SORCS3: variants seen among roughly 807,000 people sequenced by gnomAD.
The protein encoded by SORCS3 is VPS10 domain-containing receptor SorCS3.
In SORCS3, 57 loss-of-function variants were observed where a neutral mutation model predicts 146.3. The observed-to-expected ratio is 0.39, with a 90% CI of 0.31 to 0.49. The LOEUF (loss-of-function observed/expected upper bound fraction) is 0.49, where lower values mean the gene tolerates loss of function less well. Among genes scored for constraint, SORCS3 ranks in the 20% least tolerant of loss-of-function variants. SORCS3 has a pLI of 0.92. For missense variants in SORCS3, 1,341 were observed against 1,575.5 expected (o/e 0.85, Z 2.52); for synonymous variants, 653 against 618.5 (o/e 1.06, Z -0.83).
At chr10:105,192,473 G>A (rs2056522204) in intron 14 of SORCS3, among the ~76,000 whole-genome samples, 1 of 152,030 alleles carries the variant, frequency 6.6e-6, no homozygotes, top group South Asian at 2.1e-4. Flanking sequence ...TGGCAGAGTC[G>A]GCTTCACCCT....
intron 1 of SORCS3, among the ~76,000 whole-genome samples, chr10:104,697,668 G>A (rs1564661890): frequency 2.0e-5 from 3 of 152,156 alleles, no homozygotes; most frequent in Admixed American, 1.3e-4. Flanking sequence ...TCACAGGGCT[G>A]TCACCCAAGC....
chr10:104,730,301 T>TGTGTTTAGAACAAG (rs200737021), intron 1 of SORCS3, among the ~76,000 whole-genome samples: 2,062 of 152,352 alleles, frequency 0.014, 38 homozygotes, highest in African/African-American at 0.041. Flanking sequence ...TCAAGGAATA[T>TGTGTTTAGAACAAG]GTGCCACAGC....
chr10:105,147,325 T>G (rs1483888631), intron 8 of SORCS3, among the ~76,000 whole-genome samples: 1 of 152,152 alleles, frequency 6.6e-6, no homozygotes, highest in African/African-American at 2.4e-5. Context: ...CTGTTGGCAC[T>G]AACTCTTAAA....
intron 1 of SORCS3, among the ~76,000 whole-genome samples, chr10:104,655,937 A>T (rs1352332835): frequency 6.6e-6 from 1 of 152,222 alleles, no homozygotes; most frequent in Non-Finnish European, 1.5e-5. Context: ...TTTATTAAAT[A>T]TAAAATACAC....
At chr10:105,205,911 G>C (rs899273661) in intron 16 of SORCS3, among the ~76,000 whole-genome samples, 1 of 152,160 alleles carries the variant, frequency 6.6e-6, no homozygotes, top group African/African-American at 2.4e-5. Context: ...TCTGACTTCA[G>C]AGTCCTGAGT....
chr10:105,172,158 T>G (rs943673797), intron 13 of SORCS3, among the ~76,000 whole-genome samples: 5 of 152,198 alleles, frequency 3.3e-5, no homozygotes, highest in African/African-American at 1.2e-4. Flanking sequence ...TACGTATGAT[T>G]TTTAGAAAAG....
chr10:105,028,895 A>G (rs2055247287), intron 4 of SORCS3, among the ~76,000 whole-genome samples: 1 of 152,184 alleles, frequency 6.6e-6, no homozygotes, highest in South Asian at 2.1e-4. Flanking sequence ...CAAGATCGGT[A>G]CCTAAGAGCA....
rs887767789 is a variant in SORCS3, at chr10:105,264,127, A to G, written c.*753A>G. 1 of 114,150 alleles carries G rather than the reference A, an allele frequency of 8.8e-6. No individual in the cohort carries two copies. Among genetic ancestry groups the G allele is most frequent in the African/African-American group, 3.4e-5 (1 of 29,452 alleles). 7.1% of individuals were successfully genotyped at this position (114,150 alleles called of 1,614,324 possible). The stretch of plus-strand genomic sequence containing the variant: ...CTTGTCCATGCCATAGCTGGTTTCT[A>G]CTTATGTATATAAAGGGGGGTGGGG... On this transcript the variant is annotated 3_prime_UTR_variant, in exon 27 of 27. Coordinates refer to ENST00000369701, the MANE Select transcript of SORCS3 (RefSeq NM_014978.3).
At chr10:104,866,338 C>T (rs1219991722) in intron 2 of SORCS3, among the ~76,000 whole-genome samples, 2 of 152,072 alleles carry the variant, frequency 1.3e-5, no homozygotes, top group Non-Finnish European at 2.9e-5. Context: ...CGTTGACTAT[C>T]CTTAAAGAAC....
At chr10:104,806,487 T>C (rs997254145) in intron 1 of SORCS3, among the ~76,000 whole-genome samples, 6 of 152,224 alleles carry the variant, frequency 3.9e-5, no homozygotes, top group South Asian at 2.1e-4. Flanking sequence ...TTGCAAGATG[T>C]ACCCAAAGCC....
At chr10:105,208,216 C>T (rs1036711749) in intron 16 of SORCS3, among the ~76,000 whole-genome samples, 2 of 152,090 alleles carry the variant, frequency 1.3e-5, no homozygotes, top group Non-Finnish European at 1.5e-5. Flanking sequence ...TGGTGGGTGC[C>T]TGTAATCCCA....
At chr10:105,164,439 C>T in intron 12 of SORCS3, 60 bp downstream of exon 12, 1 of 1,112,752 alleles carries the variant, frequency 9.0e-7, no homozygotes, top group Admixed American at 1.7e-5. Flanking sequence ...ACCAATCTCT[C>T]TCTCCATCCT....
intron 3 of SORCS3, among the ~76,000 whole-genome samples, chr10:104,933,805 TCTTC>T (rs1368140710): frequency 1.3e-5 from 2 of 152,176 alleles, no homozygotes; most frequent in African/African-American, 4.8e-5. Context: ...TCAGCTTAAA[TCTTC>T]CTTCCTTTTT....
intron 1 of SORCS3, among the ~76,000 whole-genome samples, chr10:104,689,307 C>A (rs573378799): frequency 6.6e-6 from 1 of 152,336 alleles, no homozygotes; most frequent in African/African-American, 2.4e-5. Flanking sequence ...GGAAGCCCTC[C>A]TGACAGCCAC....
At chr10:104,834,025 G>A (rs1244868257) in intron 1 of SORCS3, among the ~76,000 whole-genome samples, 5 of 152,034 alleles carry the variant, frequency 3.3e-5, no homozygotes, top group African/African-American at 9.7e-5. Context: ...TTCACACCTC[G>A]TATCTAATTT....
At chr10:104,869,975 G>C (rs1038823816) in intron 2 of SORCS3, among the ~76,000 whole-genome samples, 1 of 152,174 alleles carries the variant, frequency 6.6e-6, no homozygotes. Context: ...CATCTATCAC[G>C]TAGAGTCGCT....
intron 6 of SORCS3, among the ~76,000 whole-genome samples, chr10:105,093,585 G>A (rs1369649513): frequency 1.3e-5 from 2 of 152,028 alleles, no homozygotes; most frequent in African/African-American, 4.8e-5. Context: ...AGTTTGAATA[G>A]ATCATTTAGC....
At chr10:105,200,980 C>G in intron 15 of SORCS3, 140 bp from the exon 16 acceptor site, 1 of 909,356 alleles carries the variant, frequency 1.1e-6, no homozygotes, top group Non-Finnish European at 1.6e-6. Flanking sequence ...TCTTGAAACT[C>G]CTGGATCATT....
In SORCS3 at chr10:104,835,423, G is replaced by C. The variant is rs538249602; in HGVS notation, c.628-7369G>C. Among the ~76,000 whole-genome samples, 103 of 152,322 alleles carry C rather than the reference G, an allele frequency of 6.8e-4. 1 individual carries two copies. The South Asian group carries it at 7.0e-3, about 10-fold the overall frequency. On this transcript the variant is annotated intron_variant, in intron 1 of 26. Coordinates refer to ENST00000369701, the MANE Select transcript of SORCS3 (RefSeq NM_014978.3). ...GAGGTCATAAGAGTGAGGGGACCTA[G>C]AGGTGGATGTGCAGAGAGCCCCATG...
Sources: gnomAD v4.1 joint callset for allele counts (sites outside exome capture counted in the v4.1 genomes callset) on GRCh38, gnomAD v4.1.1 for gene constraint, MANE v1.5 for transcripts, NCBI Gene and HGNC (gene_info 2026-07-23, HGNC 2026-07-21) for gene names.